Variants in TNFSF4 observed in about 807,000 individuals in gnomAD.
TNFSF4 encodes TNF superfamily member 4.
In TNFSF4, 4 loss-of-function variants were observed where a neutral mutation model predicts 7.3. That is an observed-to-expected ratio of 0.55 (90% CI 0.27 to 1.25). The LOEUF is 1.25. Among genes scored for constraint, TNFSF4 ranks in the 50% most tolerant of loss-of-function variants. The pLI is 0.12. For synonymous variants in TNFSF4, 76 were observed against 83.7 expected (o/e 0.91, Z 0.50); for missense variants, 181 against 208.8 (o/e 0.87, Z 0.82).
At chr1:173,410,276 G>T in the TNFSF4 span, among the ~76,000 whole-genome samples, 5 of 152,242 alleles carry the variant, frequency 3.3e-5, no homozygotes, top group East Asian at 7.7e-4. Flanking sequence ...CCACAATCCA[G>T]CATAAACAGA....
At chr1:173,381,488 C>A in the TNFSF4 span, among the ~76,000 whole-genome samples, 2 of 152,176 alleles carry the variant, frequency 1.3e-5, no homozygotes, top group African/African-American at 4.8e-5. Flanking sequence ...GAATTTTTAA[C>A]CTCCTTGTCA....
the TNFSF4 span, among the ~76,000 whole-genome samples, chr1:173,397,023 A>C: frequency 0.053 from 7,997 of 152,292 alleles, 693 homozygotes; most frequent in African/African-American, 0.18. Flanking sequence ...GCCAAAGACA[A>C]GGTGGGCATG....
chr1:173,240,639 C>A, the TNFSF4 span, among the ~76,000 whole-genome samples: 2 of 152,206 alleles, frequency 1.3e-5, no homozygotes, highest in South Asian at 4.2e-4. Context: ...TCACAATTAC[C>A]ACTTGGCTGA....
the TNFSF4 span, among the ~76,000 whole-genome samples, chr1:173,225,699 G>A: frequency 2.0e-5 from 3 of 152,046 alleles, no homozygotes; most frequent in African/African-American, 7.2e-5. Flanking sequence ...AATAATTCCT[G>A]GATGCTATGT....
the TNFSF4 span, among the ~76,000 whole-genome samples, chr1:173,406,772 C>T: frequency 2.6e-5 from 4 of 152,146 alleles, no homozygotes; most frequent in South Asian, 4.1e-4. Context: ...CTGAATGAAT[C>T]GGTCCAAATG....
chr1:173,299,925 T>C, the TNFSF4 span, among the ~76,000 whole-genome samples: 1 of 151,826 alleles, frequency 6.6e-6, no homozygotes, highest in Admixed American at 6.6e-5. Flanking sequence ...AAAGATTAAG[T>C]TGTATTTAAA....
chr1:173,368,433 T>C, the TNFSF4 span, among the ~76,000 whole-genome samples: 2 of 152,304 alleles, frequency 1.3e-5, no homozygotes, highest in Non-Finnish European at 1.5e-5. Context: ...GTGAGTACCA[T>C]TGGACCCCTG....
At chr1:173,247,945 C>T in the TNFSF4 span, among the ~76,000 whole-genome samples, 1 of 152,116 alleles carries the variant, frequency 6.6e-6, no homozygotes, top group East Asian at 1.9e-4. Flanking sequence ...GTTCAAAGCC[C>T]TTGTAGCCTC....
At chr1:173,388,989 T>C in the TNFSF4 span, among the ~76,000 whole-genome samples, 1 of 152,226 alleles carries the variant, frequency 6.6e-6, no homozygotes, top group Non-Finnish European at 1.5e-5. Context: ...ACAGTTTCTC[T>C]CTTTAGAGGC....
chr1:173,373,181 C>A, the TNFSF4 span, among the ~76,000 whole-genome samples: 2 of 152,138 alleles, frequency 1.3e-5, no homozygotes, highest in African/African-American at 4.8e-5. Flanking sequence ...CCAATAAATA[C>A]CACAAGAAAA....
the TNFSF4 span, among the ~76,000 whole-genome samples, chr1:173,421,962 C>G: frequency 6.6e-6 from 1 of 152,070 alleles, no homozygotes; most frequent in Non-Finnish European, 1.5e-5. Flanking sequence ...GATGACAGAC[C>G]TAGTCAACTT....
At chr1:173,357,656 C>T in the TNFSF4 span, among the ~76,000 whole-genome samples, 8 of 152,236 alleles carry the variant, frequency 5.3e-5, no homozygotes, top group Non-Finnish European at 7.4e-5. Flanking sequence ...CTCAGCCTCC[C>T]GAGTAGCTGG....
chr1:173,414,096 G>C, the TNFSF4 span, among the ~76,000 whole-genome samples: 2 of 152,176 alleles, frequency 1.3e-5, no homozygotes, highest in Admixed American at 6.5e-5. Flanking sequence ...CCACAGGATA[G>C]GTATTGTACT....
chr1:173,198,254 T>A (rs1649790572), intron 1 of TNFSF4, among the ~76,000 whole-genome samples: 1 of 152,218 alleles, frequency 6.6e-6, no homozygotes, highest in African/African-American at 2.4e-5. Context: ...TTCTTTCCCT[T>A]CCTCAGCTTC....
the TNFSF4 span, among the ~76,000 whole-genome samples, chr1:173,290,327 T>G: frequency 6.6e-6 from 1 of 152,160 alleles, no homozygotes; most frequent in East Asian, 1.9e-4. Context: ...GACCCGACTA[T>G]CTACTGTCTT....
At chr1:173,320,000 T>C in the TNFSF4 span, among the ~76,000 whole-genome samples, 50 of 152,174 alleles carry the variant, frequency 3.3e-4, no homozygotes, top group African/African-American at 1.1e-3. Context: ...TGGATGGAGA[T>C]ACCAAAACCT....
the TNFSF4 span, among the ~76,000 whole-genome samples, chr1:173,397,957 C>T: frequency 2.6e-5 from 4 of 152,146 alleles, no homozygotes; most frequent in African/African-American, 9.7e-5. Context: ...TAGGTGGTGA[C>T]TCCAATTATA....
chr1:173,298,060 G>C, the TNFSF4 span, among the ~76,000 whole-genome samples: 1 of 151,900 alleles, frequency 6.6e-6, no homozygotes, highest in Non-Finnish European at 1.5e-5. Flanking sequence ...TTACTTTCAG[G>C]ACAGGGGCTG....
chr1:173,312,023 T>C, the TNFSF4 span, among the ~76,000 whole-genome samples: 2 of 152,228 alleles, frequency 1.3e-5, no homozygotes, highest in East Asian at 3.9e-4. Flanking sequence ...TTTAATTCCA[T>C]TTACTTGATT....
Sources: allele counts gnomAD v4.1 joint callset (sites outside exome capture counted in the v4.1 genomes callset), GRCh38; gene constraint gnomAD v4.1.1; transcripts MANE v1.5; gene names NCBI Gene and HGNC (gene_info 2026-07-23, HGNC 2026-07-21).